HDAC8: variants seen among roughly 807,000 people sequenced by gnomAD.
HDAC8 encodes histone deacetylase-like 1.
A neutral mutation model predicts 32.2 loss-of-function variants in HDAC8; 1 was observed. The ratio of observed to expected loss-of-function variants is 0.03; its 90% CI spans 0.01 to 0.15. The LOEUF is 0.15. HDAC8 is among the 10% of genes least tolerant of loss of function. HDAC8 has a pLI of 1.00. For missense variants in HDAC8, 117 were observed against 300.0 expected (o/e 0.39, Z 4.51); for synonymous variants, 108 against 113.9 (o/e 0.95, Z 0.33).
At chrX:72,363,617 GC>G (rs1242880314) in intron 9 of HDAC8, among the ~76,000 whole-genome samples, 1 of 110,047 alleles carries the variant, frequency 9.1e-6, no homozygotes, top group Non-Finnish European at 1.9e-5. Flanking sequence ...TGTCACCCAT[GC>G]TGGAGTGCAA....
chrX:72,362,911 A>T (rs782562887), intron 9 of HDAC8, among the ~76,000 whole-genome samples: 2 of 112,058 alleles, frequency 1.8e-5, no homozygotes, highest in African/African-American at 6.5e-5. Flanking sequence ...GATGGAAAAG[A>T]AGAGGAGGGA....
intron 7 of HDAC8, among the ~76,000 whole-genome samples, chrX:72,477,914 G>A (rs1021438224): frequency 1.9e-4 from 21 of 112,036 alleles, no homozygotes; most frequent in African/African-American, 6.8e-4. Flanking sequence ...GGCAATGGCT[G>A]CCAGATCTTC....
At chrX:72,351,113 CTT>C (rs781848166) in intron 10 of HDAC8, among the ~76,000 whole-genome samples, 1 of 104,756 alleles carries the variant, frequency 9.5e-6, no homozygotes. Context: ...GAATTTTCCT[CTT>C]TTTTTTTTTT....
At chrX:72,379,717 G>C (rs2045213769) in intron 9 of HDAC8, among the ~76,000 whole-genome samples, 1 of 110,189 alleles carries the variant, frequency 9.1e-6, no homozygotes, top group Non-Finnish European at 1.9e-5. Flanking sequence ...GGCTAGGCTG[G>C]TCTCAAACTC....
chrX:72,549,386 T>C (rs2050987944), intron 4 of HDAC8, among the ~76,000 whole-genome samples: 1 of 111,314 alleles, frequency 9.0e-6, no homozygotes, highest in Non-Finnish European at 1.9e-5. Flanking sequence ...ATAATGCTGT[T>C]GACTTTCAAA....
chrX:72,453,371 C>T (rs931020478), intron 9 of HDAC8, among the ~76,000 whole-genome samples: 2 of 107,868 alleles, frequency 1.9e-5, no homozygotes, highest in Non-Finnish European at 3.8e-5. Flanking sequence ...GTGGGAGGAT[C>T]GCTTGAGCCC....
At chrX:72,380,043 G>A (rs1460469207) in intron 9 of HDAC8, among the ~76,000 whole-genome samples, 2 of 111,080 alleles carry the variant, frequency 1.8e-5, no homozygotes, top group Non-Finnish European at 3.8e-5. Context: ...TGAGAACTTT[G>A]GCCTTTCTTA....
chrX:72,563,633 T>C (rs2051665674), intron 4 of HDAC8, among the ~76,000 whole-genome samples: 1 of 112,185 alleles, frequency 8.9e-6, no homozygotes, highest in African/African-American at 3.2e-5. Flanking sequence ...AAGGAGTAGA[T>C]TCACCATTCC....
At chrX:72,429,737 A>G (rs2046758088) in intron 9 of HDAC8, among the ~76,000 whole-genome samples, 1 of 111,985 alleles carries the variant, frequency 8.9e-6, no homozygotes, top group African/African-American at 3.2e-5. Context: ...AAATTTCTTC[A>G]TAGAGTGTGT....
At chrX:72,349,191 G>A (rs1006202819) in intron 10 of HDAC8, among the ~76,000 whole-genome samples, 10 of 112,480 alleles carry the variant, frequency 8.9e-5, no homozygotes, top group Non-Finnish European at 1.9e-4. Context: ...ACAGATATAT[G>A]AAGTAGAGAC....
intron 4 of HDAC8, among the ~76,000 whole-genome samples, chrX:72,495,749 T>C (rs1556012663): frequency 8.9e-6 from 1 of 112,162 alleles, no homozygotes; most frequent in Non-Finnish European, 1.9e-5. Context: ...ACTAGAATTT[T>C]TAAAAAGTTA....
chrX:72,490,898 C>T, intron 6 of HDAC8, 31 bp downstream of exon 6: 4 of 1,038,324 alleles, frequency 3.9e-6, no homozygotes, highest in Middle Eastern at 2.5e-4. Flanking sequence ...ATTTAGTCAT[C>T]AAATGTAATA....
chrX:72,452,034 A>G (rs2047583157), intron 9 of HDAC8, among the ~76,000 whole-genome samples: 2 of 112,581 alleles, frequency 1.8e-5, no homozygotes, highest in East Asian at 5.6e-4. Context: ...AAAAAAGAAT[A>G]CTAGAAATAT....
At chrX:72,547,164 G>A (rs1385282241) in intron 4 of HDAC8, among the ~76,000 whole-genome samples, 1 of 111,050 alleles carries the variant, frequency 9.0e-6, no homozygotes, top group African/African-American at 3.3e-5. Flanking sequence ...CTCTGACCAA[G>A]GTCATTAATG....
intron 9 of HDAC8, among the ~76,000 whole-genome samples, chrX:72,373,161 A>G (rs12556351): frequency 0.091 from 10,260 of 112,433 alleles, 556 homozygotes; most frequent in African/African-American, 0.2. Flanking sequence ...TGTGACTCCA[A>G]AAATCATTGC....
chrX:72,340,601 G>T (rs2043863121), intron 10 of HDAC8, among the ~76,000 whole-genome samples: 1 of 111,501 alleles, frequency 9.0e-6, no homozygotes, highest in African/African-American at 3.3e-5. Flanking sequence ...TTCACCTCAA[G>T]GCATATCATG....
chrX:72,391,815 G>C (rs1014228330), intron 9 of HDAC8, among the ~76,000 whole-genome samples: 3 of 110,998 alleles, frequency 2.7e-5, no homozygotes, highest in Non-Finnish European at 5.7e-5. Context: ...CCTCCTGAGC[G>C]AATTAATCAT....
intron 9 of HDAC8, among the ~76,000 whole-genome samples, chrX:72,380,448 T>A (rs1157462360): frequency 8.9e-6 from 1 of 112,033 alleles, no homozygotes; most frequent in African/African-American, 3.2e-5. Flanking sequence ...CATATTCTGT[T>A]CCCTCTGGTG....
chrX:72,508,979 C>T (rs782463452), intron 4 of HDAC8, among the ~76,000 whole-genome samples: 1 of 112,100 alleles, frequency 8.9e-6, no homozygotes, highest in Non-Finnish European at 1.9e-5. Flanking sequence ...TAAGTATACA[C>T]CCATGAAACC....
Sources: allele counts gnomAD v4.1 joint callset (sites outside exome capture counted in the v4.1 genomes callset), GRCh38; gene constraint gnomAD v4.1.1; transcripts MANE v1.5; gene names NCBI Gene and HGNC (gene_info 2026-07-23, HGNC 2026-07-21).